TFPI: variants seen among roughly 807,000 people sequenced by gnomAD.
The protein encoded by TFPI is tissue factor pathway inhibitor.
Under a neutral mutation model 34.6 loss-of-function variants are expected in TFPI, and 15 were observed. The observed-to-expected ratio is 0.43, with a 90% CI of 0.29 to 0.67. TFPI has a LOEUF of 0.67. Among genes scored for constraint, TFPI ranks in the 30% least tolerant of loss-of-function variants. The pLI is 0.15. For missense variants in TFPI, 301 were observed against 364.0 expected (o/e 0.83, Z 1.41); for synonymous variants, 105 against 120.1 (o/e 0.87, Z 0.82).
At position 187,545,026 on chromosome 2, in the gene TFPI, G is replaced by A. The variant is rs142963711; in HGVS notation, c.-3+9174C>T. Among the ~76,000 whole-genome samples, 1,508 of 152,062 alleles carry A rather than the reference G, an allele frequency of 9.9e-3. 16 individuals are homozygous for A. Among genetic ancestry groups the A allele is most frequent in the African/African-American group, 0.03 (1,245 of 41,478 alleles). On this transcript the variant is annotated intron_variant, in intron 1 of 7. Transcript: ENST00000233156. The stretch of plus-strand genomic sequence containing the variant: ...CCTCGGAGGCTGAGGCAGGAGAATC[G>A]CTTGAACCCGGGAGGCGGAGGTTGC...
chr2:187,503,618 T>G, intron 2 of TFPI, 30 bp downstream of exon 2: 1 of 1,605,558 alleles, frequency 6.2e-7, no homozygotes, highest in Non-Finnish European at 8.5e-7. Context: ...TTTAACTAGC[T>G]TAAAAAGATA....
At chr2:187,522,470 C>G (rs1230510645) in intron 1 of TFPI, among the ~76,000 whole-genome samples, 1 of 151,960 alleles carries the variant, frequency 6.6e-6, no homozygotes. Flanking sequence ...ATAGTAAATT[C>G]TAGAGATCTG....
chr2:187,486,646 G>A (rs772161968), intron 4 of TFPI, among the ~76,000 whole-genome samples: 1 of 151,460 alleles, frequency 6.6e-6, no homozygotes, highest in Non-Finnish European at 1.5e-5. Flanking sequence ...TTGGCCTGCA[G>A]TTTAAACTAC....
intron 6 of TFPI, among the ~76,000 whole-genome samples, chr2:187,476,406 T>C (rs1252626109): frequency 1.3e-5 from 2 of 152,070 alleles, no homozygotes; most frequent in Non-Finnish European, 2.9e-5. Context: ...GTGGCACAAT[T>C]ACAGCTCACT....
At chr2:187,548,844 T>G (rs1265763904) in intron 1 of TFPI, among the ~76,000 whole-genome samples, 1 of 151,970 alleles carries the variant, frequency 6.6e-6, no homozygotes, top group East Asian at 1.9e-4. Flanking sequence ...TAGTCCAAAT[T>G]CCCCCAGATT....
chr2:187,486,201 G>A (rs8176609), intron 4 of TFPI, among the ~76,000 whole-genome samples: 1 of 151,466 alleles, frequency 6.6e-6, no homozygotes, highest in Non-Finnish European at 1.5e-5. Flanking sequence ...TTAGTTAATT[G>A]TAATAATATG....
intron 1 of TFPI, among the ~76,000 whole-genome samples, chr2:187,504,606 A>AT (rs1025027155): frequency 2.0e-5 from 3 of 151,526 alleles, no homozygotes; most frequent in African/African-American, 4.8e-5. Context: ...AGTCACCTTT[A>AT]TTTTTTTAAA....
intron 1 of TFPI, among the ~76,000 whole-genome samples, chr2:187,535,949 A>C (rs1688226731): frequency 6.6e-6 from 1 of 152,204 alleles, no homozygotes; most frequent in Admixed American, 6.5e-5. Flanking sequence ...AGAATACTAT[A>C]AAAACCTCTA....
At chr2:187,469,691 A>T (rs887089523) in intron 6 of TFPI, among the ~76,000 whole-genome samples, 1 of 152,084 alleles carries the variant, frequency 6.6e-6, no homozygotes, top group Non-Finnish European at 1.5e-5. Flanking sequence ...TGTACATTAG[A>T]TCTCTAGGCT....
chr2:187,539,500 A>G (rs181611994), intron 1 of TFPI, among the ~76,000 whole-genome samples: 3 of 152,344 alleles, frequency 2.0e-5, no homozygotes, highest in African/African-American at 4.8e-5. Flanking sequence ...AAATGAGGCT[A>G]TTAAGCCTAT....
At chr2:187,522,452 A>G (rs1162681594) in intron 1 of TFPI, among the ~76,000 whole-genome samples, 4 of 152,076 alleles carry the variant, frequency 2.6e-5, no homozygotes, top group Non-Finnish European at 4.4e-5. Context: ...AGTTTTAGTT[A>G]TGCTAGAATA....
At chr2:187,534,362 G>A (rs933357402) in intron 1 of TFPI, among the ~76,000 whole-genome samples, 1 of 152,198 alleles carries the variant, frequency 6.6e-6, no homozygotes, top group East Asian at 1.9e-4. Context: ...CAGATTAACA[G>A]TGGATCTCTC....
Position 187,467,035 on chromosome 2 carries a change from G to A in TFPI, c.816C>T (p.Ile272=), listed in dbSNP as rs903038808. 7 of 1,560,402 alleles carry A rather than the reference G, an allele frequency of 4.5e-6. No homozygotes were observed. Among genetic ancestry groups the A allele is most frequent in the South Asian group, 1.2e-5 (1 of 85,622 alleles). ...TTAGGCCTCCTTTTGATATTCTTTG[G>A]ATGAAACCTATAAGAGGAAGAGGAA... ...ECLRACKKGF[I]QRISKGGLIK... Residue 272 remains isoleucine, a synonymous_variant, in exon 8 of 8, where the codon ATC becomes ATT. Transcript: ENST00000233156.
intron 5 of TFPI, 124 bp from the exon 6 acceptor site, chr2:187,484,340 A>G (rs1056606450): frequency 3.4e-5 from 23 of 684,606 alleles, no homozygotes; most frequent in Non-Finnish European, 5.0e-5. Context: ...GCTATGTTAA[A>G]TTAGCAAACA....
intron 1 of TFPI, among the ~76,000 whole-genome samples, chr2:187,526,631 T>C (rs1237634737): frequency 6.6e-6 from 1 of 152,172 alleles, no homozygotes; most frequent in Non-Finnish European, 1.5e-5. Context: ...TTATCATCTT[T>C]AAGTGAATCT....
Position 187,497,499 on chromosome 2 carries a change from T to TAC in TFPI, c.122-423_122-422dup, listed in dbSNP as rs904264472. On this transcript the variant is annotated intron_variant, in intron 2 of 7. Coordinates refer to ENST00000233156, the MANE Select transcript of TFPI (RefSeq NM_006287.6). ...GCATATTCACATTCACATATATATA[T>TAC]ACACACACATATGTATATAACACTA... 4.1e-4 allele frequency among the ~76,000 whole-genome samples: 62 copies of TAC among 152,118 alleles called. 1 individual carries two copies. Among genetic ancestry groups the TAC allele is most frequent in the African/African-American group, 1.4e-3 (60 of 41,544 alleles).
At chr2:187,498,609 C>A (rs1271261721) in intron 2 of TFPI, among the ~76,000 whole-genome samples, 1 of 151,772 alleles carries the variant, frequency 6.6e-6, no homozygotes, top group Non-Finnish European at 1.5e-5. Context: ...TAAATTTTAT[C>A]TCAACTACTA....
At chr2:187,512,277 T>TAAAAAAA (rs143585752) in intron 1 of TFPI, among the ~76,000 whole-genome samples, 1 of 110,366 alleles carries the variant, frequency 9.1e-6, no homozygotes, top group African/African-American at 3.4e-5. Flanking sequence ...TATCCTAAGT[T>TAAAAAAA]AAAAAAAAAA....
intron 3 of TFPI, among the ~76,000 whole-genome samples, chr2:187,490,013 A>T (rs562268514): frequency 6.6e-6 from 1 of 151,746 alleles, no homozygotes; most frequent in East Asian, 1.9e-4. Context: ...ACTCTTTTGA[A>T]TTTCAATTTA....
Sources: gnomAD v4.1 joint callset for allele counts (sites outside exome capture counted in the v4.1 genomes callset) on GRCh38, gnomAD v4.1.1 for gene constraint, MANE v1.5 for transcripts, NCBI Gene and HGNC (gene_info 2026-07-23, HGNC 2026-07-21) for gene names.